FNDC3B: variants seen among roughly 807,000 people sequenced by gnomAD.
The protein encoded by FNDC3B is fibronectin type III domain containing 3B, also known as fibronectin type III domain-containing protein 3B.
FNDC3B carries 12 observed loss-of-function variants against 151.5 expected under a neutral mutation model. The observed-to-expected ratio is 0.08, with a 90% CI of 0.05 to 0.13. The LOEUF (loss-of-function observed/expected upper bound fraction) is 0.13. Ranked by LOEUF, FNDC3B falls within the 10% of genes least tolerant of loss-of-function variation. FNDC3B has a pLI of 1.00. For synonymous variants in FNDC3B, 528 were observed against 549.0 expected (o/e 0.96, Z 0.54); for missense variants, 1,214 against 1,505.3 (o/e 0.81, Z 3.20).
intron 3 of FNDC3B, among the ~76,000 whole-genome samples, chr3:172,169,524 A>C (rs1377413712): frequency 6.6e-6 from 1 of 152,220 alleles, no homozygotes; most frequent in Non-Finnish European, 1.5e-5. Flanking sequence ...GCAACCTTGA[A>C]GAGCAGTGGA....
intron 6 of FNDC3B, among the ~76,000 whole-genome samples, chr3:172,264,315 A>G (rs1728808363): frequency 6.6e-6 from 1 of 152,174 alleles, no homozygotes; most frequent in Non-Finnish European, 1.5e-5. Context: ...TTTCTTTTAA[A>G]TAATGTCAAG....
chr3:172,063,026 A>G (rs1349152925), intron 1 of FNDC3B, among the ~76,000 whole-genome samples: 1 of 152,172 alleles, frequency 6.6e-6, no homozygotes, highest in Non-Finnish European at 1.5e-5. Flanking sequence ...CATAGATTTT[A>G]AGATTTCTCT....
intron 3 of FNDC3B, among the ~76,000 whole-genome samples, chr3:172,209,709 T>C (rs1725629646): frequency 6.6e-6 from 1 of 152,090 alleles, no homozygotes; most frequent in Non-Finnish European, 1.5e-5. Flanking sequence ...CTCCCTGGCT[T>C]AAAGGTGGAG....
chr3:172,041,482 GTTC>G (rs1208646058), intron 1 of FNDC3B, among the ~76,000 whole-genome samples: 6 of 94,966 alleles, frequency 6.3e-5, no homozygotes, highest in Middle Eastern at 5.4e-3. Flanking sequence ...TCTTGTTCTT[GTTC>G]TTCTTCTTTT....
intron 3 of FNDC3B, among the ~76,000 whole-genome samples, chr3:172,223,178 A>C (rs1726376851): frequency 6.6e-6 from 1 of 152,218 alleles, no homozygotes; most frequent in Non-Finnish European, 1.5e-5. Context: ...AGTTCAGCAG[A>C]GATAGTAAAC....
Position 172,352,658 on chromosome 3 carries a change from ATAG to A in FNDC3B, c.2515-141_2515-139del, listed in dbSNP as rs766960996. On this transcript the variant is annotated intron_variant, in intron 21 of 25. Coordinates refer to ENST00000415807, the MANE Select transcript of FNDC3B (RefSeq NM_022763.4). The surrounding 1 kb of genome is among the most constrained non-coding windows in gnomAD (Gnocchi z 4.2). ...GCATTCTTTGGAAGGTGGTCATCAG[ATAG>A]TAGACATTTTCTAGGATTTATTTCT... 45 of 857,798 alleles carry A rather than the reference ATAG, an allele frequency of 5.2e-5. No homozygotes were observed. The highest frequency in any genetic ancestry group is 8.9e-5 in the Admixed American group (3 of 33,542). The allele number at this position is 857,798 out of a possible 1,614,324, so 53.1% of individuals were successfully genotyped here.
intron 4 of FNDC3B, among the ~76,000 whole-genome samples, chr3:172,245,929 G>A (rs1407484738): frequency 6.6e-6 from 1 of 151,954 alleles, no homozygotes; most frequent in Non-Finnish European, 1.5e-5. Flanking sequence ...AAAGATTTCT[G>A]TTTTTTTAAC....
chr3:172,329,094 C>T lies in FNDC3B; in HGVS notation c.1379+18C>T, dbSNP rs765202093. On this transcript the variant is annotated intron_variant, in intron 12 of 25. Coordinates refer to ENST00000415807, the MANE Select transcript of FNDC3B (RefSeq NM_022763.4). ...GGTACCAGGTATGACGTTTCCTTGT[C>T]CTCTTGCCCTTCAGCCTTTGGATGG... 6.3e-7 allele frequency: 1 copy of T among 1,597,726 alleles called. No individual in the cohort carries two copies. Among genetic ancestry groups the T allele is most frequent in the East Asian group, 2.3e-5 (1 of 44,324 alleles).
chr3:172,200,919 C>T (rs912882948), intron 3 of FNDC3B, among the ~76,000 whole-genome samples: 14 of 152,158 alleles, frequency 9.2e-5, no homozygotes, highest in Non-Finnish European at 1.8e-4. Flanking sequence ...TACCCAGCAC[C>T]CGAGTACCTT....
chr3:172,212,899 T>A (rs1339197288), intron 3 of FNDC3B, among the ~76,000 whole-genome samples: 1 of 152,108 alleles, frequency 6.6e-6, no homozygotes, highest in Non-Finnish European at 1.5e-5. Context: ...CCGTTTTGAA[T>A]ATCATGCATA....
intron 6 of FNDC3B, among the ~76,000 whole-genome samples, chr3:172,280,481 TAAAG>T (rs1387365583): frequency 2.0e-5 from 3 of 152,320 alleles, no homozygotes; most frequent in East Asian, 1.9e-4. Flanking sequence ...CATGATTTGT[TAAAG>T]AGAGTAGCTA....
At chr3:172,238,537 C>A (rs1727286806) in intron 4 of FNDC3B, among the ~76,000 whole-genome samples, 1 of 152,122 alleles carries the variant, frequency 6.6e-6, no homozygotes, top group South Asian at 2.1e-4. Context: ...TCTTTTGTTG[C>A]CCTAGAACAT....
chr3:172,104,640 T>C (rs1372631448), intron 1 of FNDC3B, among the ~76,000 whole-genome samples: 1 of 152,194 alleles, frequency 6.6e-6, no homozygotes, highest in Non-Finnish European at 1.5e-5. Flanking sequence ...AATGGCGACA[T>C]GCTAATTCCA....
chr3:172,097,243 T>G (rs1372661898), intron 1 of FNDC3B, among the ~76,000 whole-genome samples: 3 of 152,182 alleles, frequency 2.0e-5, no homozygotes, highest in Non-Finnish European at 2.9e-5. Flanking sequence ...TTTAGCTGTT[T>G]GGGTTGGTCC....
rs111698934 is a variant in FNDC3B, at chr3:172,315,221, C to G, written c.1254+4340C>G. Among the ~76,000 whole-genome samples, 836 of 152,132 alleles carry G rather than the reference C, an allele frequency of 5.5e-3. 11 individuals are homozygous for G. Among genetic ancestry groups the G allele is most frequent in the African/African-American group, 0.019 (782 of 41,496 alleles). The stretch of plus-strand genomic sequence containing the variant: ...GTGAAACCTCGTCTCTACTAAAATA[C>G]AAAAAATTAGCTGGGCATGACAGTG... On this transcript the variant is annotated intron_variant, in intron 11 of 25. Coordinates refer to ENST00000415807, the MANE Select transcript of FNDC3B (RefSeq NM_022763.4).
intron 25 of FNDC3B, among the ~76,000 whole-genome samples, chr3:172,385,650 C>T (rs1735674458): frequency 6.6e-6 from 1 of 151,876 alleles, no homozygotes; most frequent in South Asian, 2.1e-4. Flanking sequence ...GGTCTGCCTC[C>T]CGGGTTCACG....
At chr3:172,198,863 T>G (rs1177284524) in intron 3 of FNDC3B, among the ~76,000 whole-genome samples, 2 of 152,230 alleles carry the variant, frequency 1.3e-5, no homozygotes, top group Non-Finnish European at 2.9e-5. Flanking sequence ...TCTCATTCTG[T>G]CACCCAGGCT....
intron 3 of FNDC3B, among the ~76,000 whole-genome samples, chr3:172,198,388 A>G (rs1724961005): frequency 6.6e-6 from 1 of 152,232 alleles, no homozygotes; most frequent in Non-Finnish European, 1.5e-5. Context: ...CATAGGTAAT[A>G]CACATGCATA....
intron 3 of FNDC3B, among the ~76,000 whole-genome samples, chr3:172,208,493 G>A (rs564112724): frequency 9.2e-5 from 14 of 152,130 alleles, no homozygotes; most frequent in Non-Finnish European, 2.1e-4. Flanking sequence ...TGGACAATAT[G>A]GTTTATTTTT....
Sources: allele counts gnomAD v4.1 joint callset (sites outside exome capture counted in the v4.1 genomes callset), GRCh38; gene constraint gnomAD v4.1.1; non-coding constraint Gnocchi (gnomAD v3.1); transcripts MANE v1.5; gene names NCBI Gene and HGNC (gene_info 2026-07-23, HGNC 2026-07-21).